Variants in VPS53 observed in about 807,000 individuals in gnomAD.
VPS53 encodes vacuolar protein sorting-associated protein 53 homolog.
VPS53 carries 70 observed loss-of-function variants against 107.0 expected under a neutral mutation model. The ratio of observed to expected loss-of-function variants is 0.65; its 90% CI spans 0.54 to 0.80. The LOEUF is 0.80. Ranked by LOEUF, VPS53 falls within the 30% of genes least tolerant of loss-of-function variation. VPS53 has a pLI of 0.00. For synonymous variants in VPS53, 409 were observed against 393.3 expected, an observed-to-expected ratio of 1.04 and a Z score of -0.47; for missense variants, 917 against 1,049.4, an observed-to-expected ratio of 0.87 and a Z score of 1.74.
intron 2 of VPS53, among the ~76,000 whole-genome samples, chr17:701,545 T>C (rs559186309): frequency 2.0e-5 from 3 of 151,708 alleles, no homozygotes; most frequent in Non-Finnish European, 2.9e-5. Context: ...GCCCAGCTAA[T>C]TTTTGTATTT....
chr17:674,214 G>A (rs1426360794), intron 4 of VPS53: 1 of 152,104 alleles, frequency 6.6e-6, no homozygotes, highest in African/African-American at 2.4e-5. Context: ...TTGGAAATGG[G>A]GCACATTAAA....
chr17:710,742 G>A, intron 1 of VPS53, 129 bp from the exon 2 acceptor site: 2 of 626,592 alleles, frequency 3.2e-6, no homozygotes, highest in South Asian at 2.2e-5. Context: ...CACTTTGGGA[G>A]GCCAAAGCAG....
intron 13 of VPS53, among the ~76,000 whole-genome samples, chr17:565,515 G>A (rs1345027029): frequency 6.6e-6 from 1 of 152,006 alleles, no homozygotes; most frequent in Non-Finnish European, 1.5e-5. Flanking sequence ...CTCTGTCTGT[G>A]GTGATAGTGA....
chr17:623,818 AAAACCTGGGGAATAGAAATACATATTCT>A (rs1969572262), intron 10 of VPS53, 144 bp from the exon 11 acceptor site: 10 of 867,862 alleles, frequency 1.2e-5, no homozygotes, highest in Non-Finnish European at 1.6e-5. Flanking sequence ...ACCTTAGTCT[AAAACCTGGGGAATAGAAATACATATTCT>A]AAACAAGATT....
intron 13 of VPS53, among the ~76,000 whole-genome samples, chr17:570,386 A>G (rs988289456): frequency 2.0e-5 from 3 of 151,618 alleles, no homozygotes; most frequent in African/African-American, 7.3e-5. Context: ...AAAAAAAAAA[A>G]AAAAAAAAAG....
At chr17:587,330 T>G (rs1204968623) in intron 12 of VPS53, among the ~76,000 whole-genome samples, 3 of 152,226 alleles carry the variant, frequency 2.0e-5, no homozygotes, top group Non-Finnish European at 4.4e-5. Flanking sequence ...CCCAAAGTGC[T>G]GGGCTTATAG....
At chr17:708,906 A>G (rs919371933) in intron 2 of VPS53, among the ~76,000 whole-genome samples, 4 of 152,108 alleles carry the variant, frequency 2.6e-5, no homozygotes, top group African/African-American at 9.7e-5. Flanking sequence ...TATTTTCTTT[A>G]TTATATTGGA....
At position 520,751 on chromosome 17, in the gene VPS53, CATG is replaced by C. The variant is rs1237973776; in HGVS notation, c.2224-824_2224-822del. On this transcript the variant is annotated intron_variant, in intron 20 of 21. Coordinates refer to ENST00000437048, the MANE Select transcript of VPS53 (RefSeq NM_001128159.3). The surrounding 1 kb of genome is among the most constrained non-coding windows in gnomAD (Gnocchi z 4.4). ...CCAGCAGTAAGCAGCAGGGAAAGAA[CATG>C]ATGAGGCAGCTTCACCCTCACCTAC... Among the ~76,000 whole-genome samples the C allele has an allele frequency of 6.9e-6, 1 of 144,532 alleles. No homozygotes were observed. 94.8% of individuals were successfully genotyped at this position (144,532 alleles called of 152,430 possible).
intron 16 of VPS53, chr17:552,933 C>A: frequency 2.9e-6 from 1 of 339,500 alleles, no homozygotes. Flanking sequence ...ACGTGCCGCA[C>A]GCTGCTGTGT....
At chr17:629,534 G>C (rs1969851879) in intron 8 of VPS53, among the ~76,000 whole-genome samples, 1 of 152,108 alleles carries the variant, frequency 6.6e-6, no homozygotes, top group Non-Finnish European at 1.5e-5. Flanking sequence ...AAGGCAGGCA[G>C]ATCATGAGGT....
chr17:638,732 T>G (rs111932322), intron 7 of VPS53, among the ~76,000 whole-genome samples: 1 of 152,130 alleles, frequency 6.6e-6, no homozygotes, highest in South Asian at 2.1e-4. Context: ...TCAAGAATGT[T>G]GAATATTGGC....
At chr17:613,383 A>G (rs1466877679) in intron 11 of VPS53, among the ~76,000 whole-genome samples, 2 of 152,336 alleles carry the variant, frequency 1.3e-5, no homozygotes, top group Middle Eastern at 3.4e-3. Context: ...TATTCACAGC[A>G]GTAATCAAAT....
At position 680,563 on chromosome 17, in the gene VPS53, G is replaced by A. The variant is rs55802289; in HGVS notation, c.285+16855C>T. Among the ~76,000 whole-genome samples, 400 of 152,284 alleles carry A rather than the reference G, an allele frequency of 2.6e-3. 3 individuals carry two copies. The highest frequency in any genetic ancestry group is 9.3e-3 in the African/African-American group (387 of 41,562). ...TATGACTATATTCAGTACATGCTGA[G>A]AGGGCATATGATAAAATCCAACGTC... On this transcript the variant is annotated intron_variant, in intron 4 of 21. Transcript: ENST00000437048.
At chr17:630,938 T>C (rs941304195) in intron 8 of VPS53, among the ~76,000 whole-genome samples, 1 of 152,140 alleles carries the variant, frequency 6.6e-6, no homozygotes, top group Non-Finnish European at 1.5e-5. Context: ...CTGCTACAGT[T>C]GGAAGGGTGG....
chr17:701,539 A>G (rs35174848), intron 2 of VPS53, among the ~76,000 whole-genome samples: 2 of 151,496 alleles, frequency 1.3e-5, no homozygotes, highest in Non-Finnish European at 2.9e-5. Context: ...CACCACGCCC[A>G]GCTAATTTTT....
intron 17 of VPS53, among the ~76,000 whole-genome samples, chr17:546,867 ATCC>A: frequency 8.0e-6 from 1 of 124,718 alleles, no homozygotes; most frequent in East Asian, 2.5e-4. Context: ...GGTCCCTTAG[ATCC>A]TTTTTTTTTT....
At chr17:712,665 G>T (rs1376240519) in intron 1 of VPS53, among the ~76,000 whole-genome samples, 1 of 152,086 alleles carries the variant, frequency 6.6e-6, no homozygotes, top group Non-Finnish European at 1.5e-5. Flanking sequence ...TCTGAATTCT[G>T]CTTGACATAA....
intron 12 of VPS53, among the ~76,000 whole-genome samples, chr17:596,179 A>C (rs1049923131): frequency 6.6e-6 from 1 of 152,240 alleles, no homozygotes; most frequent in African/African-American, 2.4e-5. Context: ...CATGTGAAGA[A>C]GTTTTAGAAA....
intron 7 of VPS53, among the ~76,000 whole-genome samples, chr17:648,585 A>G (rs892543780): frequency 7.2e-5 from 11 of 152,272 alleles, no homozygotes; most frequent in Admixed American, 7.2e-4. Context: ...ATGAGGTTTC[A>G]GCTAAGAATC....
Sources: allele counts gnomAD v4.1 joint callset (sites outside exome capture counted in the v4.1 genomes callset), GRCh38; gene constraint gnomAD v4.1.1; non-coding constraint Gnocchi (gnomAD v3.1); transcripts MANE v1.5; gene names NCBI Gene and HGNC (gene_info 2026-07-23, HGNC 2026-07-21).